ALKBH2: variants seen among roughly 807,000 people sequenced by gnomAD.
ALKBH2 encodes the protein alkB homolog 2, alpha-ketoglutarate dependent dioxygenase.
In ALKBH2, 19 loss-of-function variants were observed where a neutral mutation model predicts 19.7. That is an observed-to-expected ratio of 0.97 (90% CI 0.67 to 1.42). The LOEUF (loss-of-function observed/expected upper bound fraction) is 1.42. ALKBH2 is among the 40% of genes most tolerant of loss of function. ALKBH2 has a pLI of 0.00. For synonymous variants in ALKBH2, 135 were observed against 131.2 expected, an observed-to-expected ratio of 1.03 and a Z score of -0.20; for missense variants, 310 against 328.5, an observed-to-expected ratio of 0.94 and a Z score of 0.43.
rs887856936 is a variant in ALKBH2 at position 109,090,010 on chromosome 12, T to C, written c.478A>G (p.Arg160Gly). The change falls in exon 3 of 4, where the codon AGG (arginine) becomes GGG (glycine). Residue 160 changes from arginine to glycine, a missense_variant and splice_region_variant. Coordinates refer to ENST00000429722, the MANE Select transcript of ALKBH2 (RefSeq NM_001145374.2). ...TGAGTCCACTAAACAGGGTGTCACC[T>C]GTTGATGAGCACAAAGTTGAAGGTC... ...GQTFNFVLIN[R>G]YKDGCDHIGE... The C allele has an allele frequency of 3.7e-6, 6 of 1,614,050 alleles. No individual in the cohort carries two copies. The Admixed American group carries it at 8.3e-5, about 22-fold the overall frequency.
chr12:109,092,735 C>T lies in ALKBH2; in HGVS notation c.52G>A (p.Glu18Lys), dbSNP rs1289371834. Reference protein sequence around the residue: ...GAQGGLLRKQEEQEPTGEEPA... With the variant: ...GAQGGLLRKQKEQEPTGEEPA... ...TCTTCTCCAGTTGGCTCTTGCTCCT[C>T]CTGCTTCCTCAAAAGGCCCCCTTGA... Residue 18 changes from glutamate to lysine, a missense_variant, in exon 2 of 4, where the codon GAG (glutamate) becomes AAG (lysine). Coordinates refer to ENST00000429722, the MANE Select transcript of ALKBH2 (RefSeq NM_001145374.2). 1 of 1,614,138 alleles carries T rather than the reference C, an allele frequency of 6.2e-7. No individual in the cohort carries two copies.
Position 109,088,301 on chromosome 12 carries a change from T to C in ALKBH2, c.691A>G (p.Asn231Asp). ...GGAAGACTGTGGTACCAGTGCGTGTTGGTCGGGTGGTTCATCATTAGTAAG... is the reference window on the plus strand; with the variant it reads ...GGAAGACTGTGGTACCAGTGCGTGTCGGTCGGGTGGTTCATCATTAGTAAG... ...GSLLMMNHPT[N>D]THWYHSLPVR... The change falls in exon 4 of 4, where the codon AAC becomes GAC. Residue 231 changes from asparagine to aspartate, a missense_variant. Asn to Asp is a conservative substitution (Grantham distance 23). Coordinates refer to ENST00000429722, the MANE Select transcript of ALKBH2 (RefSeq NM_001145374.2). The surrounding 1 kb of genome is among the most constrained non-coding windows in gnomAD (Gnocchi z 4.2). 1 of 1,614,140 alleles carries C rather than the reference T, an allele frequency of 6.2e-7. No homozygotes were observed. The highest frequency in any genetic ancestry group is 8.5e-7 in the Non-Finnish European group (1 of 1,180,018).
intron 2 of ALKBH2, 142 bp downstream of exon 2, chr12:109,092,365 C>A (rs2135869522): frequency 7.7e-7 from 1 of 1,295,584 alleles, no homozygotes; most frequent in East Asian, 2.8e-5. Flanking sequence ...CAGAGGTGCT[C>A]AGAGAATATT....
chr12:109,089,864 G>A (rs767730482), intron 3 of ALKBH2, 145 bp downstream of exon 3: 14 of 797,782 alleles, frequency 1.8e-5, no homozygotes, highest in Middle Eastern at 3.5e-4. Context: ...CAGGAAGACC[G>A]AGTGCTGGCG....
At chr12:109,092,405 A>G in intron 2 of ALKBH2, 102 bp downstream of exon 2, 1 of 1,416,228 alleles carries the variant, frequency 7.1e-7, no homozygotes. Flanking sequence ...CCCATCAGTA[A>G]ATAATGGATC....
At chr12:109,089,462 A>C (rs1424836338) in intron 3 of ALKBH2, among the ~76,000 whole-genome samples, 2 of 152,164 alleles carry the variant, frequency 1.3e-5, no homozygotes, top group African/African-American at 4.8e-5. Context: ...TCTGCTCAAC[A>C]TCCTGCAAGG....
rs1282112173 is a variant in ALKBH2 at position 109,092,585 on chromosome 12, T to C, written c.202A>G (p.Ser68Gly). 2 of 1,613,864 alleles carry C rather than the reference T, an allele frequency of 1.2e-6. No individual in the cohort carries two copies. Among genetic ancestry groups the C allele is most frequent in the Non-Finnish European group, 1.7e-6 (2 of 1,179,906 alleles). Residue 68 changes from serine (S) to glycine (G), a missense_variant, in exon 2 of 4, where the codon AGT becomes GGT. Ser to Gly is a moderately conservative substitution (Grantham distance 56). Transcript: ENST00000429722. ...GCTTTGCCAAACAGGACTGTGTAAC[T>C]GCAGTCCAGGCCCTCAGCCCGAATG... ...RHIRAEGLDC[S>G]YTVLFGKAEA...
rs1384844413 is a variant in ALKBH2 at position 109,092,737 on chromosome 12, T to C, written c.50A>G (p.Gln17Arg). The C allele has an allele frequency of 1.9e-6, 3 of 1,614,100 alleles. No homozygotes were observed. The highest frequency in any genetic ancestry group is 2.5e-6 in the Non-Finnish European group (3 of 1,179,990). The change falls in exon 2 of 4, where the codon CAG becomes CGG. Residue 17 changes from glutamine to arginine, a missense_variant. Physicochemically the swap from Gln to Arg is conservative, Grantham distance 43 (BLOSUM62 1). Coordinates refer to ENST00000429722, the MANE Select transcript of ALKBH2 (RefSeq NM_001145374.2). ...KGAQGGLLRKQEEQEPTGEEP... is the reference protein window; with the variant it reads ...KGAQGGLLRKREEQEPTGEEP... ...TTCTCCAGTTGGCTCTTGCTCCTCC[T>C]GCTTCCTCAAAAGGCCCCCTTGAGC...
chr12:109,091,769 C>T (rs191765006), intron 2 of ALKBH2, among the ~76,000 whole-genome samples: 7 of 152,242 alleles, frequency 4.6e-5, no homozygotes, highest in African/African-American at 9.6e-5. Flanking sequence ...AAGCTGGTCT[C>T]GAACTCCTGA....
At chr12:109,090,233 C>T (rs778604177) in intron 2 of ALKBH2, 26 bp from the exon 3 acceptor site, 9 of 1,606,236 alleles carry the variant, frequency 5.6e-6, no homozygotes, top group Non-Finnish European at 8.5e-7. Context: ...ATGGCAGTTC[C>T]TTTCTACCTG....
Position 109,088,444 on chromosome 12 carries a change from G to A in ALKBH2, c.548C>T (p.Pro183Leu), listed in dbSNP as rs776276525. 1 of 1,613,594 alleles carries A rather than the reference G, an allele frequency of 6.2e-7. No homozygotes were observed. The highest frequency in any genetic ancestry group is 8.5e-7 in the Non-Finnish European group (1 of 1,179,674). The change falls in exon 4 of 4, where the codon CCC becomes CTC. Residue 183 changes from proline to leucine, a missense_variant. Pro to Leu is a moderately conservative substitution (Grantham distance 98). Coordinates refer to ENST00000429722, the MANE Select transcript of ALKBH2 (RefSeq NM_001145374.2). The surrounding 1 kb of genome is among the most constrained non-coding windows in gnomAD (Gnocchi z 4.2). Reference protein sequence around the residue: ...DDERELAPGSPIASVSFGACR... With the variant: ...DDERELAPGSLIASVSFGACR... ...GGCACCGAAGGAGACAGAGGCAATG[G>A]GGCTCCCAGGGGCCAGTTCTCTTTC...
At position 109,088,782 on chromosome 12, in the gene ALKBH2, A is replaced by G. The variant is rs1424244065; in HGVS notation, c.480-270T>C. 6.6e-6 allele frequency among the ~76,000 whole-genome samples: 1 copy of G among 152,172 alleles called. No individual in the cohort carries two copies. Among genetic ancestry groups the G allele is most frequent in the Non-Finnish European group, 1.5e-5 (1 of 68,024 alleles). On this transcript the variant is annotated intron_variant, in intron 3 of 3. Coordinates refer to ENST00000429722, the MANE Select transcript of ALKBH2 (RefSeq NM_001145374.2). This position sits in a 1 kb window ranked among gnomAD's most constrained non-coding sequence, Gnocchi z 4.2. ...CAGGCTGAAGTGCAGTGGCACAATC[A>G]TAGCTCACTGCAGCCTCGGCCTCCT...
intron 3 of ALKBH2, chr12:109,089,806 A>G (rs1365042620): frequency 3.9e-5 from 23 of 590,344 alleles, no homozygotes. Context: ...CTGTTTGTTC[A>G]GGAGTTAATC....
In ALKBH2 at chr12:109,088,220, G is replaced by A; in HGVS notation, c.772C>T (p.Leu258Phe). The A allele has an allele frequency of 6.3e-7, 1 of 1,593,810 alleles. No individual in the cohort carries two copies. The highest frequency in any genetic ancestry group is 8.6e-7 in the Non-Finnish European group (1 of 1,168,010). Residue 258 changes from leucine (L) to phenylalanine (F), a missense_variant, in exon 4 of 4, where the codon CTT (leucine) becomes TTT (phenylalanine). Transcript: ENST00000429722. The surrounding 1 kb of genome is among the most constrained non-coding windows in gnomAD (Gnocchi z 4.2). ...TAAAAATGTTTTTATTTTTTAGTAA[G>A]CAAAATTTTACGAAAAGTCAGATTC... ...RVNLTFRKILLTKK is the reference protein window; with the variant it reads ...RVNLTFRKILFTKK
At chr12:109,091,566 C>T (rs1444144627) in intron 2 of ALKBH2, among the ~76,000 whole-genome samples, 1 of 152,032 alleles carries the variant, frequency 6.6e-6, no homozygotes, top group Non-Finnish European at 1.5e-5. Context: ...GAGACACAGT[C>T]TCACTCTGTT....
At chr12:109,091,508 C>T (rs2042060071) in intron 2 of ALKBH2, among the ~76,000 whole-genome samples, 1 of 152,152 alleles carries the variant, frequency 6.6e-6, no homozygotes, top group African/African-American at 2.4e-5. Flanking sequence ...CAGGTGTGTA[C>T]CACCGTGCCT....
chr12:109,092,743 C>CT lies in ALKBH2; in HGVS notation c.43dup (p.Arg15LysfsTer42). ...AGTTGGCTCTTGCTCCTCCTGCTTCCTCAAAAGGCCCCCTTGAGCCCCTTT... is the reference window on the plus strand; with the variant it reads ...AGTTGGCTCTTGCTCCTCCTGCTTCCTTCAAAAGGCCCCCTTGAGCCCCTTT... On this transcript the variant is annotated frameshift_variant, in exon 2 of 4. Transcript: ENST00000429722. LOFTEE classifies it high-confidence loss of function. 6.2e-7 allele frequency: 1 copy of CT among 1,614,040 alleles called. No individual in the cohort carries two copies. The highest frequency in any genetic ancestry group is 8.5e-7 in the Non-Finnish European group (1 of 1,179,964).
At chr12:109,089,302 G>A (rs2042021800) in intron 3 of ALKBH2, among the ~76,000 whole-genome samples, 1 of 152,064 alleles carries the variant, frequency 6.6e-6, no homozygotes, top group African/African-American at 2.4e-5. Context: ...CAGCTCAAAC[G>A]CACTGCCTCA....
At chr12:109,092,224 T>G in intron 2 of ALKBH2, 1 of 335,448 alleles carries the variant, frequency 3.0e-6, no homozygotes, top group Non-Finnish European at 5.2e-6. Flanking sequence ...TTTACTTTGT[T>G]TTGTAAACTT....
Sources: allele counts gnomAD v4.1 joint callset (sites outside exome capture counted in the v4.1 genomes callset), GRCh38; gene constraint gnomAD v4.1.1; non-coding constraint Gnocchi (gnomAD v3.1); transcripts MANE v1.5; gene names NCBI Gene and HGNC (gene_info 2026-07-23, HGNC 2026-07-21).